Variants in DNPEP observed in about 807,000 individuals in gnomAD.
DNPEP encodes the protein aspartyl aminopeptidase.
DNPEP carries 46 observed loss-of-function variants against 59.1 expected under a neutral mutation model. The ratio of observed to expected loss-of-function variants is 0.78; its 90% CI spans 0.61 to 0.99. DNPEP has a LOEUF of 0.99. Ranked by LOEUF, DNPEP falls within the 50% of genes least tolerant of loss-of-function variation. The probability of loss-of-function intolerance (pLI) is 0.00; values close to 1 mark genes in which losing one functional copy is unlikely to be tolerated. For synonymous variants in DNPEP, 229 were observed against 242.2 expected (o/e 0.95, Z 0.50); for missense variants, 617 against 649.9 (o/e 0.95, Z 0.55).
intron 9 of DNPEP, among the ~76,000 whole-genome samples, chr2:219,384,122 G>T (rs1054824142): frequency 6.6e-6 from 1 of 152,222 alleles, no homozygotes; most frequent in Non-Finnish European, 1.5e-5. Context: ...CATGGTGCCT[G>T]AAACAACTTC....
chr2:219,377,381 C>T (rs1953418287), intron 13 of DNPEP, among the ~76,000 whole-genome samples: 1 of 146,294 alleles, frequency 6.8e-6, no homozygotes, highest in African/African-American at 2.5e-5. Flanking sequence ...AGCTAAATGA[C>T]ACCATGGGGC....
At chr2:219,384,142 T>C (rs1333548108) in intron 9 of DNPEP, among the ~76,000 whole-genome samples, 1 of 152,242 alleles carries the variant, frequency 6.6e-6, no homozygotes, top group African/African-American at 2.4e-5. Context: ...CTCCTCCTTC[T>C]TCTTGCCTCA....
At chr2:219,387,446 T>C in intron 1 of DNPEP, 1 of 1,430,702 alleles carries the variant, frequency 7.0e-7, no homozygotes, top group Non-Finnish European at 9.2e-7. Flanking sequence ...GGAAATCCTG[T>C]TCTGCTCCCA....
intron 4 of DNPEP, 82 bp downstream of exon 4, chr2:219,386,583 C>A: frequency 6.9e-7 from 1 of 1,455,710 alleles, no homozygotes; most frequent in East Asian, 2.3e-5. Context: ...GATAGAGGCC[C>A]CAGTTTGTAC....
chr2:219,393,196 A>G (rs190758009), upstream of DNPEP, among the ~76,000 whole-genome samples: 4 of 152,316 alleles, frequency 2.6e-5, no homozygotes, highest in Admixed American at 6.5e-5. Flanking sequence ...TGTTTTAAGA[A>G]AGTTTACAAA....
chr2:219,372,525 A>G lies in DNPEP; in HGVS notation c.*1767T>C, dbSNP rs1429902711. Among the ~76,000 whole-genome samples, 2 of 151,688 alleles carry G rather than the reference A, an allele frequency of 1.3e-5. No homozygotes were observed. Among genetic ancestry groups the G allele is most frequent in the African/African-American group, 2.4e-5 (1 of 41,276 alleles). On this transcript the variant is annotated 3_prime_UTR_variant, in exon 15 of 15. Transcript: ENST00000273075. ...GGATTACAGGCACCCACCACCACGCATGGCTAATTTTTTTTGTATTTTTAG... is the reference window on the plus strand; with the variant it reads ...GGATTACAGGCACCCACCACCACGCGTGGCTAATTTTTTTTGTATTTTTAG...
chr2:219,378,491 AAG>A (rs2125129059), intron 13 of DNPEP, among the ~76,000 whole-genome samples: 1 of 152,320 alleles, frequency 6.6e-6, no homozygotes, highest in Non-Finnish European at 1.5e-5. Context: ...TTCCGAAAGG[AAG>A]AGTGAACACT....
chr2:219,377,968 A>G (rs1463611187), intron 13 of DNPEP, among the ~76,000 whole-genome samples: 1 of 152,070 alleles, frequency 6.6e-6, no homozygotes, highest in Non-Finnish European at 1.5e-5. Flanking sequence ...TCAAATAGAA[A>G]GGTGAAGATG....
upstream of DNPEP, chr2:219,389,091 G>A (rs1223768482): frequency 6.5e-6 from 1 of 154,676 alleles, no homozygotes; most frequent in Non-Finnish European, 1.4e-5. Context: ...GGACACAGAA[G>A]TTGACTTGCC....
At chr2:219,374,446 A>C (rs1953287889) in intron 14 of DNPEP, 104 bp from the exon 15 acceptor site, 1 of 1,093,176 alleles carries the variant, frequency 9.1e-7, no homozygotes, top group Non-Finnish European at 1.4e-6. Context: ...AGAAGCACCG[A>C]GGTTTCATCT....
rs533381181 is a variant in DNPEP at position 219,398,649 on chromosome 2, CA to C, written c.-158+1290del. Among the ~76,000 whole-genome samples, 1,283 of 135,354 alleles carry C rather than the reference CA, an allele frequency of 9.5e-3. 3 individuals are homozygous for C. Among genetic ancestry groups the C allele is most frequent in the Non-Finnish European group, 0.012 (758 of 62,086 alleles). 88.8% of individuals were successfully genotyped at this position (135,354 alleles called of 152,430 possible). ...TGGGCGACAGAGCAAGACTCCATCT[CA>C]AAAAAAAAAAAAGTAACTAGGGTAA... On this transcript the variant is annotated intron_variant, in intron 1 of 6. Transcript: ENST00000434339.
At position 219,386,673 on chromosome 2, in the gene DNPEP, A is replaced by G. The variant is rs767200430; in HGVS notation, c.325T>C (p.Cys109Arg). The change falls in exon 4 of 15, where the codon TGC becomes CGC. Residue 109 changes from cysteine (C) to arginine (R), a missense_variant. Physicochemically the swap from Cys to Arg is radical, Grantham distance 180. Transcript: ENST00000273075. The stretch of plus-strand genomic sequence containing the variant: ...CCGTCCGAGTTCCTTACCCGGAGGC[A>G]GGGGCTGTCCGTGTGGGCCCCGATG... ...SLIGAHTDSP[C>R]LRVKRRSRRS... 6.2e-7 allele frequency: 1 copy of G among 1,611,534 alleles called. No individual in the cohort carries two copies. Among genetic ancestry groups the G allele is most frequent in the South Asian group, 1.1e-5 (1 of 90,308 alleles).
intron 8 of DNPEP, 116 bp from the exon 9 acceptor site, chr2:219,384,559 G>GGAGA: frequency 2.7e-6 from 2 of 754,226 alleles, no homozygotes; most frequent in Non-Finnish European, 4.2e-6. Context: ...CCTGGCTTAG[G>GGAGA]GCACTATTTT....
intron 4 of DNPEP, 27 bp from the exon 5 acceptor site, chr2:219,386,438 G>C: frequency 6.2e-7 from 1 of 1,614,014 alleles, no homozygotes; most frequent in Non-Finnish European, 8.5e-7. Context: ...AGAAGTCAGA[G>C]AAGGCTTCAT....
intron 14 of DNPEP, among the ~76,000 whole-genome samples, chr2:219,374,601 G>A (rs916729406): frequency 6.6e-6 from 1 of 152,118 alleles, no homozygotes; most frequent in East Asian, 1.9e-4. Context: ...TAGAGACATG[G>A]ACTTGCCATG....
intron 1 of DNPEP, among the ~76,000 whole-genome samples, chr2:219,395,406 C>T (rs953355485): frequency 2.0e-5 from 3 of 152,192 alleles, no homozygotes; most frequent in African/African-American, 4.8e-5. Context: ...CAAAACAAAG[C>T]GCCTTGATCC....
chr2:219,383,075 C>G, intron 10 of DNPEP, 56 bp downstream of exon 10: 3 of 1,538,380 alleles, frequency 2.0e-6, no homozygotes, highest in Non-Finnish European at 2.7e-6. Context: ...CCTGGCACAA[C>G]AAGTTGGCTG....
chr2:219,377,737 A>T (rs959363445), intron 13 of DNPEP, among the ~76,000 whole-genome samples: 26 of 152,108 alleles, frequency 1.7e-4, no homozygotes, highest in African/African-American at 6.0e-4. Context: ...CAGCCTGGGC[A>T]ACATAGCAAG....
Position 219,387,139 on chromosome 2 carries a change from T to C in DNPEP, c.61A>G (p.Lys21Glu). ...MQVAMNGKAR[K>E]EAVQTAAKEL... ...TTAGCCGCAGTCTGCACCGCCTCTTTGCGGGCCTTACCGTTCATGGCCACC... is the reference window on the plus strand; with the variant it reads ...TTAGCCGCAGTCTGCACCGCCTCTTCGCGGGCCTTACCGTTCATGGCCACC... Residue 21 changes from lysine (K) to glutamate (E), a missense_variant, in exon 2 of 15, where the codon AAA becomes GAA. Transcript: ENST00000273075. 6.4e-7 allele frequency: 1 copy of C among 1,565,216 alleles called. No individual in the cohort carries two copies. The highest frequency in any genetic ancestry group is 8.7e-7 in the Non-Finnish European group (1 of 1,153,838).
Sources: allele counts gnomAD v4.1 joint callset (sites outside exome capture counted in the v4.1 genomes callset), GRCh38; gene constraint gnomAD v4.1.1; transcripts MANE v1.5; gene names NCBI Gene and HGNC (gene_info 2026-07-23, HGNC 2026-07-21).